The following NNT variants were observed in gnomAD, a reference collection of about 807,000 sequenced individuals.
NNT encodes nicotinamide nucleotide transhydrogenase.
In NNT, 50 loss-of-function variants were observed where a neutral mutation model predicts 104.8. The observed-to-expected ratio is 0.48, with a 90% confidence interval of 0.38 to 0.60. NNT has a LOEUF of 0.60. NNT is among the 20% of genes least tolerant of loss of function. The pLI, the probability that NNT is intolerant of heterozygous loss-of-function variation, is 0.00. For missense variants in NNT, 1,131 were observed against 1,330.7 expected (o/e 0.85, Z 2.33); for synonymous variants, 461 against 490.4 (o/e 0.94, Z 0.79).
At position 43,677,713 on chromosome 5, in the gene NNT, T is replaced by G; in HGVS notation, c.2795-12T>G. On this transcript the variant is annotated splice_polypyrimidine_tract_variant and intron_variant, in intron 18 of 21. Transcript: ENST00000344920. ...AAAACACATTCTTCTGTGTTCTTAA[T>G]GTTCCTTGCAGGCTATGGTCTCTGT... The G allele has an allele frequency of 6.2e-7, 1 of 1,610,266 alleles. No homozygotes were observed. Among genetic ancestry groups the G allele is most frequent in the Non-Finnish European group, 8.5e-7 (1 of 1,176,612 alleles).
intron 2 of NNT, among the ~76,000 whole-genome samples, chr5:43,610,190 C>A (rs960298572): frequency 3.0e-4 from 42 of 139,670 alleles, no homozygotes; most frequent in African/African-American, 1.0e-3. Context: ...TAAACCAAGT[C>A]AACTGTCTGT....
intron 7 of NNT, among the ~76,000 whole-genome samples, chr5:43,631,056 C>G (rs536512292): frequency 2.0e-5 from 3 of 152,140 alleles, no homozygotes; most frequent in Non-Finnish European, 2.9e-5. Context: ...GGAAAACAAG[C>G]CTTCCAAATG....
At chr5:43,607,642 G>A (rs963999709) in intron 1 of NNT, among the ~76,000 whole-genome samples, 5 of 152,130 alleles carry the variant, frequency 3.3e-5, no homozygotes, top group East Asian at 1.9e-4. Context: ...TAGTAGAGAC[G>A]AGGTTTTGCC....
rs759627384 is a variant in NNT at position 43,624,105 on chromosome 5, G to A, written c.761G>A (p.Arg254Gln). 1.4e-5 allele frequency: 22 copies of A among 1,613,996 alleles called. No individual in the cohort carries two copies. The highest frequency in any genetic ancestry group is 3.3e-5 in the South Asian group (3 of 91,082). The change falls in exon 6 of 22, where the codon CGA becomes CAA. Residue 254 changes from arginine to glutamine, a missense_variant. Coordinates refer to ENST00000344920, the MANE Select transcript of NNT (RefSeq NM_182977.3). ...GAAKSMGAIV[R>Q]GFDTRAAALE... ...GCAAAGTCGATGGGTGCAATTGTTC[G>A]AGGATTTGACACAAGGTGAGTGCTT... is the stretch of plus-strand genomic sequence containing the variant.
At chr5:43,658,561 T>TG (rs538263044) in intron 16 of NNT, among the ~76,000 whole-genome samples, 4 of 152,096 alleles carry the variant, frequency 2.6e-5, no homozygotes, top group Non-Finnish European at 5.9e-5. Flanking sequence ...TGGTGGGTGG[T>TG]GGGGGGCAGC....
intron 19 of NNT, among the ~76,000 whole-genome samples, chr5:43,686,252 TG>T (rs1741983306): frequency 1.3e-5 from 2 of 151,868 alleles, no homozygotes; most frequent in Non-Finnish European, 1.5e-5. Context: ...TTTTTTTTTT[TG>T]CTTCAAGATA....
chr5:43,669,923 G>A lies in NNT; in HGVS notation c.2635-5588G>A, dbSNP rs552060795. Among the ~76,000 whole-genome samples the A allele has an allele frequency of 9.9e-5, 15 of 151,942 alleles. No individual in the cohort carries two copies. In the South Asian group the frequency reaches 3.1e-3, roughly 32 times the overall value. ...ATCCATCTGGTCCTGGACTTTTTTT[G>A]GTTGGTAGGCTATTAATTATTGCCT... On this transcript the variant is annotated intron_variant, in intron 17 of 21. Transcript: ENST00000344920.
chr5:43,625,426 A>G (rs1750309668), intron 6 of NNT, among the ~76,000 whole-genome samples: 1 of 152,180 alleles, frequency 6.6e-6, no homozygotes, highest in Non-Finnish European at 1.5e-5. Flanking sequence ...CAATGAAGAA[A>G]GATGTGGCTG....
chr5:43,656,221 C>G, intron 15 of NNT, 148 bp downstream of exon 15: 1 of 679,426 alleles, frequency 1.5e-6, no homozygotes, highest in South Asian at 1.9e-5. Flanking sequence ...GTGGGAGGCT[C>G]TCAAGCCCAG....
chr5:43,604,385 A>C (rs780289052), intron 1 of NNT, among the ~76,000 whole-genome samples: 1 of 152,138 alleles, frequency 6.6e-6, no homozygotes, highest in Non-Finnish European at 1.5e-5. Flanking sequence ...ATTAACAGAC[A>C]GTTTAGGATT....
At chr5:43,617,655 A>G (rs1295498265) in intron 4 of NNT, among the ~76,000 whole-genome samples, 1 of 152,194 alleles carries the variant, frequency 6.6e-6, no homozygotes, top group Admixed American at 6.5e-5. Context: ...CCAATTTATT[A>G]CTTTTTTCAC....
intron 19 of NNT, among the ~76,000 whole-genome samples, chr5:43,679,063 A>G (rs111415788): frequency 0.02 from 3,093 of 152,272 alleles, 110 homozygotes; most frequent in African/African-American, 0.071. Context: ...AGAAGATGAG[A>G]AAAGTCATTG....
intron 17 of NNT, among the ~76,000 whole-genome samples, chr5:43,669,622 G>A (rs1265644782): frequency 1.3e-5 from 2 of 152,028 alleles, no homozygotes; most frequent in African/African-American, 4.8e-5. Context: ...TGCATCCCAG[G>A]GATGAAGCCC....
chr5:43,663,509 C>G (rs745868299), intron 17 of NNT, among the ~76,000 whole-genome samples: 4 of 152,180 alleles, frequency 2.6e-5, no homozygotes, highest in Non-Finnish European at 5.9e-5. Flanking sequence ...CTACAATTTT[C>G]TGATTTCTCA....
At chr5:43,648,182 G>A in intron 10 of NNT, 1 of 1,072,584 alleles carries the variant, frequency 9.3e-7, no homozygotes, top group Non-Finnish European at 1.1e-6. Flanking sequence ...ATGATATGTG[G>A]GTAGGAAAAT....
At position 43,671,929 on chromosome 5, in the gene NNT, C is replaced by T. The variant is rs189177475; in HGVS notation, c.2635-3582C>T. On this transcript the variant is annotated intron_variant, in intron 17 of 21. Coordinates refer to ENST00000344920, the MANE Select transcript of NNT (RefSeq NM_182977.3). ...ATCACTTTCAGGTACACCAATGAGA[C>T]GTAGATTTGGTCTTTTCACATAGTC... is the stretch of plus-strand genomic sequence containing the variant. Among the ~76,000 whole-genome samples, 756 of 152,290 alleles carry T rather than the reference C, an allele frequency of 5.0e-3. 3 individuals carry two copies. The highest frequency in any genetic ancestry group is 0.02 in the Middle Eastern group (6 of 294).
chr5:43,694,426 T>C (rs1189777245), intron 19 of NNT, among the ~76,000 whole-genome samples: 1 of 152,230 alleles, frequency 6.6e-6, no homozygotes, highest in African/African-American at 2.4e-5. Context: ...TTGTCATAGA[T>C]GGCTCTTACT....
intron 7 of NNT, among the ~76,000 whole-genome samples, chr5:43,642,119 A>G (rs921151210): frequency 6.6e-6 from 1 of 152,234 alleles, no homozygotes; most frequent in Non-Finnish European, 1.5e-5. Context: ...AAATATGTGC[A>G]ATCATTGGCC....
intron 17 of NNT, among the ~76,000 whole-genome samples, chr5:43,661,065 A>G (rs2111977001): frequency 6.6e-6 from 1 of 152,322 alleles, no homozygotes; most frequent in Admixed American, 6.5e-5. Flanking sequence ...TTTGTTTCTT[A>G]GGCTATATTG....
Sources: gnomAD v4.1 joint callset for allele counts (sites outside exome capture counted in the v4.1 genomes callset) on GRCh38, gnomAD v4.1.1 for gene constraint, MANE v1.5 for transcripts, NCBI Gene and HGNC (gene_info 2026-07-23, HGNC 2026-07-21) for gene names.